Variants in COLGALT2 observed in about 807,000 individuals in gnomAD.
The protein encoded by COLGALT2 is procollagen galactosyltransferase 2.
In COLGALT2, 49 loss-of-function variants were observed where a neutral mutation model predicts 73.4. That is an observed-to-expected ratio of 0.67 (90% CI 0.53 to 0.85). The LOEUF is 0.85. Ranked by LOEUF, COLGALT2 falls within the 40% of genes least tolerant of loss-of-function variation. The pLI is 0.00. For missense variants in COLGALT2, 722 were observed against 790.2 expected (o/e 0.91, Z 1.03); for synonymous variants, 295 against 307.6 (o/e 0.96, Z 0.43).
intron 1 of COLGALT2, among the ~76,000 whole-genome samples, chr1:184,025,545 G>A (rs1649307945): frequency 6.6e-6 from 1 of 152,170 alleles, no homozygotes; most frequent in Non-Finnish European, 1.5e-5. Flanking sequence ...CCTTAGTCAA[G>A]AGGCAACCAT....
intron 1 of COLGALT2, among the ~76,000 whole-genome samples, chr1:183,978,842 G>C (rs1337565877): frequency 1.3e-5 from 2 of 152,114 alleles, no homozygotes; most frequent in East Asian, 1.9e-4. Context: ...GTCAATTAAT[G>C]AATCTTCTTG....
At chr1:183,985,105 G>A (rs894655455) in intron 1 of COLGALT2, among the ~76,000 whole-genome samples, 6 of 152,156 alleles carry the variant, frequency 3.9e-5, no homozygotes, top group South Asian at 4.1e-4. Context: ...TTAAGACTCA[G>A]AGCCAACTAG....
At chr1:183,934,414 C>A (rs1013685019), downstream of COLGALT2, among the ~76,000 whole-genome samples, 1 of 152,174 alleles carries the variant, frequency 6.6e-6, no homozygotes, top group Admixed American at 6.5e-5. Flanking sequence ...CTCCTGCTGG[C>A]CTTCCTCCCT....
chr1:184,001,267 A>G (rs1482582324), intron 1 of COLGALT2, among the ~76,000 whole-genome samples: 1 of 152,180 alleles, frequency 6.6e-6, no homozygotes, highest in Non-Finnish European at 1.5e-5. Flanking sequence ...TTTAAAAAAA[A>G]TAAAATAAAT....
At chr1:183,970,756 T>C (rs923133257) in intron 4 of COLGALT2, among the ~76,000 whole-genome samples, 36 of 152,206 alleles carry the variant, frequency 2.4e-4, no homozygotes, top group Non-Finnish European at 4.6e-4. Flanking sequence ...GAATCACATG[T>C]GATAAGGTCT....
intron 4 of COLGALT2, among the ~76,000 whole-genome samples, chr1:183,972,877 T>C (rs992165337): frequency 2.6e-5 from 4 of 152,142 alleles, no homozygotes; most frequent in Non-Finnish European, 5.9e-5. Flanking sequence ...TTTTTTATAT[T>C]TTTAGTAGAG....
At chr1:184,036,629 C>A (rs1649686485) in intron 1 of COLGALT2, among the ~76,000 whole-genome samples, 3 of 152,366 alleles carry the variant, frequency 2.0e-5, no homozygotes, top group Admixed American at 6.5e-5. Flanking sequence ...CCAGCCACTG[C>A]GGAGCCCCTG....
Position 183,936,484 on chromosome 1 carries a change from A to G in COLGALT2, c.*2277T>C. 1.0e-6 allele frequency: 1 copy of G among 997,916 alleles called. No homozygotes were observed. The highest frequency in any genetic ancestry group is 1.2e-6 in the Non-Finnish European group (1 of 838,634). The allele number at this position is 997,916 out of a possible 1,614,324, so 61.8% of individuals were successfully genotyped here. A position where few individuals can be genotyped will look rare whatever the true frequency, so the allele number is the denominator to read the frequency against. On this transcript the variant is annotated 3_prime_UTR_variant, in exon 12 of 12. Transcript: ENST00000361927. ...TTAAGTCCAAAGTCTTTTAAGAATG[A>G]GAGTTCTTAAATCTGTCAGACCAGC...
At position 183,969,325 on chromosome 1, in the gene COLGALT2, T is replaced by A. The variant is rs1181293072; in HGVS notation, c.776A>T (p.Asp259Val). The change falls in exon 5 of 12, where the codon GAC (aspartate) becomes GTC (valine). Residue 259 changes from aspartate to valine, a missense_variant. Asp to Val is a radical substitution (Grantham distance 152). Coordinates refer to ENST00000361927, the MANE Select transcript of COLGALT2 (RefSeq NM_015101.4). ...GATGTCATCAAAGGTCCAGGTGTAG[T>A]CCTGGTGTGGGGGGTAGAAAGTCAG... Reference protein sequence around the residue: ...DKLTFYPPHQDYTWTFDDIIV... With the variant: ...DKLTFYPPHQVYTWTFDDIIV... The A allele has an allele frequency of 2.5e-6, 4 of 1,613,524 alleles. No individual in the cohort carries two copies. The highest frequency in any genetic ancestry group is 3.4e-6 in the Non-Finnish European group (4 of 1,179,726).
chr1:184,021,194 T>C (rs1455639063), intron 1 of COLGALT2, among the ~76,000 whole-genome samples: 1 of 152,148 alleles, frequency 6.6e-6, no homozygotes, highest in Non-Finnish European at 1.5e-5. Flanking sequence ...TTCCAAAACC[T>C]TGTATTTTTA....
At chr1:183,945,392 C>T in intron 9 of COLGALT2, 40 bp downstream of exon 9, 2 of 1,605,796 alleles carry the variant, frequency 1.2e-6, no homozygotes, top group South Asian at 1.1e-5. Context: ...TTTCCTTTCT[C>T]CTCATCATAA....
At chr1:184,001,906 A>T (rs928658060) in intron 1 of COLGALT2, among the ~76,000 whole-genome samples, 3 of 152,262 alleles carry the variant, frequency 2.0e-5, no homozygotes, top group African/African-American at 7.2e-5. Context: ...GGAATATCCC[A>T]CAGGTCTAAA....
At chr1:184,001,092 C>T (rs549810694) in intron 1 of COLGALT2, among the ~76,000 whole-genome samples, 15 of 152,246 alleles carry the variant, frequency 9.9e-5, no homozygotes, top group African/African-American at 3.1e-4. Flanking sequence ...CTCGGCCTCC[C>T]GAAGTGCTGG....
chr1:184,008,022 C>T (rs909289678), intron 1 of COLGALT2, among the ~76,000 whole-genome samples: 1 of 152,200 alleles, frequency 6.6e-6, no homozygotes, highest in African/African-American at 2.4e-5. Context: ...GGAAAAATTA[C>T]TTATTAATCT....
intron 6 of COLGALT2, among the ~76,000 whole-genome samples, chr1:183,962,154 C>CTTTTTTTTTTTTTTTTTTTTTTTTTT (rs34873073): frequency 3.5e-5 from 3 of 85,542 alleles, no homozygotes; most frequent in African/African-American, 1.0e-4. Flanking sequence ...TTTTCTCTTT[C>CTTTTTTTTTTTTTTTTTTTTTTTTTT]TTTTTTTTTT....
chr1:184,027,778 G>A lies in COLGALT2; in HGVS notation c.263+9317C>T, dbSNP rs113589607. Among the ~76,000 whole-genome samples, 710 of 152,246 alleles carry A rather than the reference G, an allele frequency of 4.7e-3. 3 individuals carry two copies. The highest frequency in any genetic ancestry group is 0.015 in the African/African-American group (606 of 41,554). On this transcript the variant is annotated intron_variant, in intron 1 of 11. Transcript: ENST00000361927. ...TAAAAAGCTTACAATGGAAACCAAC[G>A]TACCCAATAAATTTTATTAAAATCT...
Position 183,937,206 on chromosome 1 carries a change from G to C in COLGALT2, c.*1555C>G. Reference sequence around the variant, plus strand: ...TTAAGTGTGAAGCTCAGGGTTTGGGGTGTGCACGGCCCCCCATATGGCTGC... The same window carrying C: ...TTAAGTGTGAAGCTCAGGGTTTGGGCTGTGCACGGCCCCCCATATGGCTGC... On this transcript the variant is annotated 3_prime_UTR_variant, in exon 12 of 12. Coordinates refer to ENST00000361927, the MANE Select transcript of COLGALT2 (RefSeq NM_015101.4). 1 of 1,218,470 alleles carries C rather than the reference G, an allele frequency of 8.2e-7. No homozygotes were observed. Among genetic ancestry groups the C allele is most frequent in the Non-Finnish European group, 1.0e-6 (1 of 980,184 alleles). 75.5% of individuals were successfully genotyped at this position (1,218,470 alleles called of 1,614,324 possible).
rs978827326 is a variant in COLGALT2, at chr1:183,938,371, T to G, written c.*390A>C. On this transcript the variant is annotated 3_prime_UTR_variant, in exon 12 of 12. Transcript: ENST00000361927. ...ACCAATAAGTGTGGTCTAGTTGGCC[T>G]GGCTGCCTTGACTACATATTTGCTG... is the stretch of plus-strand genomic sequence containing the variant. 9.6e-7 allele frequency: 1 copy of G among 1,039,018 alleles called. No individual in the cohort carries two copies. The allele number at this position is 1,039,018 out of a possible 1,614,324, so 64.4% of individuals were successfully genotyped here.
intron 1 of COLGALT2, among the ~76,000 whole-genome samples, chr1:183,991,688 C>T (rs1026610834): frequency 1.3e-5 from 2 of 152,072 alleles, no homozygotes; most frequent in Non-Finnish European, 2.9e-5. Flanking sequence ...CTTCACATGG[C>T]GGTGGTGGGG....
Sources: allele counts gnomAD v4.1 joint callset (sites outside exome capture counted in the v4.1 genomes callset), GRCh38; gene constraint gnomAD v4.1.1; transcripts MANE v1.5; gene names NCBI Gene and HGNC (gene_info 2026-07-23, HGNC 2026-07-21).